The following MACROD2 variants were observed in gnomAD, a reference collection of about 807,000 sequenced individuals.
MACROD2 encodes ADP-ribose glycohydrolase MACROD2.
A neutral mutation model predicts 70.4 loss-of-function variants in MACROD2; 36 were observed. The observed-to-expected ratio is 0.51, with a 90% CI of 0.39 to 0.68. The LOEUF (loss-of-function observed/expected upper bound fraction) is 0.68, where lower values mean the gene tolerates loss of function less well. Ranked by LOEUF, MACROD2 falls within the 30% of genes least tolerant of loss-of-function variation. The pLI, the probability that MACROD2 is intolerant of heterozygous loss-of-function variation, is 0.00. For synonymous variants in MACROD2, 172 were observed against 178.8 expected, an observed-to-expected ratio of 0.96 and a Z score of 0.30; for missense variants, 496 against 538.4, an observed-to-expected ratio of 0.92 and a Z score of 0.78.
chr20:14,047,587 G>C (rs1171732316), intron 2 of MACROD2, among the ~76,000 whole-genome samples: 1 of 151,858 alleles, frequency 6.6e-6, no homozygotes, highest in East Asian at 1.9e-4. Flanking sequence ...GGACATAAAG[G>C]TATTTATTAA....
rs2074889647 is a variant in MACROD2 at position 14,990,269 on chromosome 20, T to C, written c.419-239671T>C. Among the ~76,000 whole-genome samples, 6 of 152,168 alleles carry C rather than the reference T, an allele frequency of 3.9e-5. No individual in the cohort carries two copies. The South Asian group carries it at 1.2e-3, about 32-fold the overall frequency. Reference sequence around the variant, plus strand: ...TACACAATAGATAAAAAATGTTGCCTTTGGAAGGATGTGACTTGAATAATG... The same window carrying C: ...TACACAATAGATAAAAAATGTTGCCCTTGGAAGGATGTGACTTGAATAATG... On this transcript the variant is annotated intron_variant, in intron 5 of 17. Transcript: ENST00000684519.
At chr20:15,852,748 G>T (rs918774725) in intron 8 of MACROD2, among the ~76,000 whole-genome samples, 3 of 152,180 alleles carry the variant, frequency 2.0e-5, no homozygotes, top group African/African-American at 7.2e-5. Flanking sequence ...AAACAGAGCT[G>T]CTTATATATA....
intron 4 of MACROD2, among the ~76,000 whole-genome samples, chr20:14,548,821 G>A (rs528768291): frequency 4.0e-5 from 6 of 151,776 alleles, no homozygotes; most frequent in Admixed American, 3.9e-4. Context: ...TAAATGAACA[G>A]AGGAGTGGGA....
At chr20:15,126,039 AT>A (rs2076064112) in intron 5 of MACROD2, among the ~76,000 whole-genome samples, 1 of 151,224 alleles carries the variant, frequency 6.6e-6, no homozygotes, top group Non-Finnish European at 1.5e-5. Flanking sequence ...TGAATTAAAA[AT>A]ATTCCATAGT....
chr20:13,996,858 A>G (rs909460655), intron 1 of MACROD2, among the ~76,000 whole-genome samples: 4 of 152,190 alleles, frequency 2.6e-5, no homozygotes, highest in African/African-American at 9.6e-5. Context: ...GGTAGTGCGC[A>G]TTTCTCCTGG....
chr20:15,255,638 G>A (rs796874749), intron 6 of MACROD2, among the ~76,000 whole-genome samples: 4 of 152,252 alleles, frequency 2.6e-5, no homozygotes, highest in Admixed American at 1.3e-4. Context: ...AGCAAGTGTT[G>A]ATGATCAAGT....
intron 3 of MACROD2, among the ~76,000 whole-genome samples, chr20:14,196,635 G>A (rs2081435177): frequency 6.6e-6 from 1 of 152,144 alleles, no homozygotes; most frequent in Non-Finnish European, 1.5e-5. Flanking sequence ...GAATATCTTG[G>A]TGTATATTTC....
intron 3 of MACROD2, among the ~76,000 whole-genome samples, chr20:14,183,721 A>T (rs1268508567): frequency 6.6e-6 from 1 of 152,132 alleles, no homozygotes; most frequent in African/African-American, 2.4e-5. Flanking sequence ...CTTTTTAATA[A>T]TAGTCATTCT....
intron 5 of MACROD2, among the ~76,000 whole-genome samples, chr20:14,690,556 G>A (rs6042856): frequency 0.67 from 101,338 of 152,074 alleles, 34,431 homozygotes; most frequent in African/African-American, 0.79. Flanking sequence ...AGGAGGTGAC[G>A]TGACAAGTAA....
At chr20:14,702,189 A>G (rs2071204178) in intron 5 of MACROD2, among the ~76,000 whole-genome samples, 1 of 152,030 alleles carries the variant, frequency 6.6e-6, no homozygotes, top group Non-Finnish European at 1.5e-5. Flanking sequence ...AATCTCAGAA[A>G]AGTACTGAGA....
intron 8 of MACROD2, among the ~76,000 whole-genome samples, chr20:15,755,207 G>T (rs1330440115): frequency 6.6e-6 from 1 of 152,124 alleles, no homozygotes; most frequent in Non-Finnish European, 1.5e-5. Context: ...ATGTTTCTGG[G>T]TTGGGAGCCA....
intron 4 of MACROD2, among the ~76,000 whole-genome samples, chr20:14,610,944 T>C (rs1983121065): frequency 6.6e-6 from 1 of 152,306 alleles, no homozygotes; most frequent in East Asian, 1.9e-4. Flanking sequence ...TAATTCTGCA[T>C]TGGAGACTCA....
At chr20:15,378,171 A>ATT (rs1568761098) in intron 6 of MACROD2, among the ~76,000 whole-genome samples, 2 of 113,822 alleles carry the variant, frequency 1.8e-5, no homozygotes, top group Non-Finnish European at 3.3e-5. Context: ...AGAGAGAGAG[A>ATT]GAAAGGAACC....
intron 12 of MACROD2, among the ~76,000 whole-genome samples, chr20:15,951,174 A>G (rs2065898357): frequency 6.6e-6 from 1 of 152,156 alleles, no homozygotes; most frequent in Non-Finnish European, 1.5e-5. Flanking sequence ...CTCAAGTTTC[A>G]GAAAGGGATG....
At chr20:14,637,624 G>A (rs936539326) in intron 4 of MACROD2, among the ~76,000 whole-genome samples, 21 of 152,088 alleles carry the variant, frequency 1.4e-4, no homozygotes, top group African/African-American at 4.8e-4. Context: ...CCAATCCCCT[G>A]TTGCTCACAT....
chr20:15,903,507 A>G (rs1001639088), intron 10 of MACROD2, among the ~76,000 whole-genome samples: 1 of 152,128 alleles, frequency 6.6e-6, no homozygotes, highest in African/African-American at 2.4e-5. Flanking sequence ...TAGAGTGTGC[A>G]TGAGAATCAC....
chr20:15,243,072 G>A (rs895742343), intron 6 of MACROD2, among the ~76,000 whole-genome samples: 4 of 152,180 alleles, frequency 2.6e-5, no homozygotes, highest in African/African-American at 9.7e-5. Context: ...GAGACAACCA[G>A]TTATTAATGC....
At chr20:15,601,778 CA>C (rs2048823553) in intron 8 of MACROD2, among the ~76,000 whole-genome samples, 1 of 152,196 alleles carries the variant, frequency 6.6e-6, no homozygotes, top group African/African-American at 2.4e-5. Context: ...CCTGTAATCT[CA>C]GCACTTTGGG....
At position 15,042,758 on chromosome 20, in the gene MACROD2, A is replaced by G. The variant is rs532817215; in HGVS notation, c.419-187182A>G. Among the ~76,000 whole-genome samples the G allele has an allele frequency of 1.8e-4, 28 of 152,318 alleles. 1 individual carries two copies. In the South Asian group the frequency reaches 4.8e-3, roughly 26 times the overall value. On this transcript the variant is annotated intron_variant, in intron 5 of 17. Transcript: ENST00000684519. Reference sequence around the variant, plus strand: ...GCAGGAAATCTTAATGATGAACTCTACTTACATCCCTTTAATGGGATCATG... The same window carrying G: ...GCAGGAAATCTTAATGATGAACTCTGCTTACATCCCTTTAATGGGATCATG...
Sources: gnomAD v4.1 joint callset for allele counts (sites outside exome capture counted in the v4.1 genomes callset) on GRCh38, gnomAD v4.1.1 for gene constraint, MANE v1.5 for transcripts, NCBI Gene and HGNC (gene_info 2026-07-23, HGNC 2026-07-21) for gene names.